ZNF462: variants seen among roughly 807,000 people sequenced by gnomAD.
ZNF462 encodes the protein zinc finger PBX1-interacting protein.
A neutral mutation model predicts 201.9 loss-of-function variants in ZNF462; 10 were observed. The observed-to-expected ratio is 0.05, with a 90% CI of 0.03 to 0.08. The LOEUF is 0.08. ZNF462 is among the 10% of genes least tolerant of loss of function. The pLI, the probability that ZNF462 is intolerant of heterozygous loss-of-function variation, is 1.00. For synonymous variants in ZNF462, 1,227 were observed against 1,193.3 expected (o/e 1.03, Z -0.58); for missense variants, 2,523 against 3,168.3 (o/e 0.80, Z 4.89).
chr9:106,888,117 C>T (rs1045069721), intron 1 of ZNF462, among the ~76,000 whole-genome samples: 3 of 151,728 alleles, frequency 2.0e-5, no homozygotes, highest in Non-Finnish European at 4.4e-5. Context: ...TCTCGGCTCA[C>T]TGCAAGCTCC....
chr9:106,928,374 CATT>C lies in ZNF462; in HGVS notation c.4465_4467del (p.Tyr1489del). The C allele has an allele frequency of 6.2e-7, 1 of 1,614,130 alleles. No individual in the cohort carries two copies. Among genetic ancestry groups the C allele is most frequent in the Non-Finnish European group, 8.5e-7 (1 of 1,180,032 alleles). On this transcript the variant is annotated inframe_deletion, in exon 3 of 13. Transcript: ENST00000277225. This position sits in a 1 kb window ranked among gnomAD's most constrained non-coding sequence, Gnocchi z 9.3. ...TAACAACTTGCACGGCCTTCTCACT[CATT>C]ATGGGAAGAAGCACCCTGGCATGAA...
rs1161912134 is a variant in ZNF462, at chr9:106,954,042, A to G, written c.6427+14935A>G. ...AATTACCATGTTTATCCCACCTGCAAAGTCCTCCATTCATTCTATTCTAAG... is the reference window on the plus strand; with the variant it reads ...AATTACCATGTTTATCCCACCTGCAGAGTCCTCCATTCATTCTATTCTAAG... On this transcript the variant is annotated intron_variant, in intron 7 of 12. Transcript: ENST00000277225. The surrounding 1 kb of genome is among the most constrained non-coding windows in gnomAD (Gnocchi z 4.0). 1.3e-5 allele frequency among the ~76,000 whole-genome samples: 2 copies of G among 152,094 alleles called. No individual in the cohort carries two copies. Among genetic ancestry groups the G allele is most frequent in the Admixed American group, 6.6e-5 (1 of 15,254 alleles).
At chr9:106,949,055 G>A (rs1257449649) in intron 7 of ZNF462, among the ~76,000 whole-genome samples, 1 of 152,118 alleles carries the variant, frequency 6.6e-6, no homozygotes, top group Non-Finnish European at 1.5e-5. Context: ...GTTCTTAAAA[G>A]ACAAAAATCA....
At chr9:106,873,224 T>C (rs766819977) in intron 1 of ZNF462, among the ~76,000 whole-genome samples, 10 of 152,216 alleles carry the variant, frequency 6.6e-5, no homozygotes, top group Non-Finnish European at 1.2e-4. Flanking sequence ...ATGAGAGATA[T>C]AACTTATTGC....
rs902598386 is a variant in ZNF462, at chr9:106,954,009, A to G, written c.6427+14902A>G. 6.6e-6 allele frequency among the ~76,000 whole-genome samples: 1 copy of G among 152,004 alleles called. No individual in the cohort carries two copies. The highest frequency in any genetic ancestry group is 2.4e-5 in the African/African-American group (1 of 41,378). On this transcript the variant is annotated intron_variant, in intron 7 of 12. Coordinates refer to ENST00000277225, the MANE Select transcript of ZNF462 (RefSeq NM_021224.6). The surrounding 1 kb of genome is among the most constrained non-coding windows in gnomAD (Gnocchi z 4.0). ...TCCTTCCCATCCTCATCTCTTACCT[A>G]AGCCATTAATTACCATGTTTATCCC...
At chr9:106,914,845 G>A (rs1424973941) in intron 1 of ZNF462, among the ~76,000 whole-genome samples, 3 of 152,188 alleles carry the variant, frequency 2.0e-5, no homozygotes, top group Non-Finnish European at 2.9e-5. Context: ...AGGGTTGGGA[G>A]TGGTGGCTAA....
At position 107,006,975 on chromosome 9, in the gene ZNF462, C is replaced by T. The variant is rs1829593372; in HGVS notation, c.7190-2570C>T. ...GCTTCTTTCTTTTTTCTTTTTCAAA[C>T]CATTTCATGAGTATGTTCTTTACAA... On this transcript the variant is annotated intron_variant, in intron 11 of 12. Coordinates refer to ENST00000277225, the MANE Select transcript of ZNF462 (RefSeq NM_021224.6). This position sits in a 1 kb window ranked among gnomAD's most constrained non-coding sequence, Gnocchi z 4.3. Among the ~76,000 whole-genome samples, 1 of 151,946 alleles carries T rather than the reference C, an allele frequency of 6.6e-6. No individual in the cohort carries two copies. Among genetic ancestry groups the T allele is most frequent in the Non-Finnish European group, 1.5e-5 (1 of 68,012 alleles).
At chr9:106,941,162 G>C (rs752234279) in intron 7 of ZNF462, among the ~76,000 whole-genome samples, 1 of 152,154 alleles carries the variant, frequency 6.6e-6, no homozygotes, top group Non-Finnish European at 1.5e-5. Flanking sequence ...ATCATCCTCT[G>C]CATAGACTGA....
At position 106,938,303 on chromosome 9, in the gene ZNF462, T is replaced by A. The variant is rs1830716393; in HGVS notation, c.6236-613T>A. ...TCTCTTCCTTAGAGAAATGACTTAT[T>A]TTTACCCATTTCTGTGCTATTGACT... On this transcript the variant is annotated intron_variant, in intron 6 of 12. Coordinates refer to ENST00000277225, the MANE Select transcript of ZNF462 (RefSeq NM_021224.6). This position sits in a 1 kb window ranked among gnomAD's most constrained non-coding sequence, Gnocchi z 4.4. Among the ~76,000 whole-genome samples the A allele has an allele frequency of 1.3e-5, 2 of 152,178 alleles. No individual in the cohort carries two copies. The highest frequency in any genetic ancestry group is 1.3e-4 in the Admixed American group (2 of 15,272).
intron 1 of ZNF462, among the ~76,000 whole-genome samples, chr9:106,897,846 A>T (rs936641453): frequency 3.9e-5 from 6 of 151,982 alleles, no homozygotes; most frequent in Admixed American, 6.5e-5. Context: ...TGATCCATGG[A>T]TTCGCCTCCA....
chr9:106,885,622 C>A lies in ZNF462; in HGVS notation c.-31+22267C>A, dbSNP rs1828283056. ...CAGCTGAACATGTGATCTTGTTAAC[C>A]CTGAGATGTTGCTGAAAAGTGACTC... On this transcript the variant is annotated intron_variant, in intron 1 of 12. Transcript: ENST00000277225. This position sits in a 1 kb window ranked among gnomAD's most constrained non-coding sequence, Gnocchi z 4.1. Among the ~76,000 whole-genome samples the A allele has an allele frequency of 6.6e-6, 1 of 152,146 alleles. No homozygotes were observed. Among genetic ancestry groups the A allele is most frequent in the Admixed American group, 6.5e-5 (1 of 15,278 alleles).
rs1355850211 is a variant in ZNF462, at chr9:106,929,135, C to G, written c.5223C>G (p.Asn1741Lys). Residue 1741 changes from asparagine (N) to lysine (K), a missense_variant, in exon 3 of 13, where the codon AAC becomes AAG. Asn to Lys is a moderately conservative substitution (Grantham distance 94, BLOSUM62 0). Coordinates refer to ENST00000277225, the MANE Select transcript of ZNF462 (RefSeq NM_021224.6). The surrounding 1 kb of genome is among the most constrained non-coding windows in gnomAD (Gnocchi z 8.7). ...CCAGGACCATCAGCGACAAGCCCAA[C>G]AAAGTGATCATCCCATCCCCGCCCA... ...AASRTISDKP[N>K]KVIIPSPPKD... The G allele has an allele frequency of 6.2e-7, 1 of 1,614,156 alleles. No homozygotes were observed. Among genetic ancestry groups the G allele is most frequent in the East Asian group, 2.2e-5 (1 of 44,872 alleles).
chr9:106,924,941 C>T lies in ZNF462; in HGVS notation c.1029C>T (p.Tyr343=). ...CTTCCAAGTTTTCGCCCATGTCTTACCCTCAGATGAAGCCGAAGTCACCTC... is the reference window on the plus strand; with the variant it reads ...CTTCCAAGTTTTCGCCCATGTCTTATCCTCAGATGAAGCCGAAGTCACCTC... ...SSASKFSPMS[Y]PQMKPKSPHN... The change falls in exon 3 of 13, where the codon TAC becomes TAT. Residue 343 remains tyrosine (Y), a synonymous_variant. Coordinates refer to ENST00000277225, the MANE Select transcript of ZNF462 (RefSeq NM_021224.6). The surrounding 1 kb of genome is among the most constrained non-coding windows in gnomAD (Gnocchi z 6.2). The T allele has an allele frequency of 6.2e-7, 1 of 1,614,188 alleles. No individual in the cohort carries two copies. The highest frequency in any genetic ancestry group is 8.5e-7 in the Non-Finnish European group (1 of 1,180,036).
At position 106,886,877 on chromosome 9, in the gene ZNF462, G is replaced by GA. The variant is rs1828342350; in HGVS notation, c.-31+23526dup. On this transcript the variant is annotated intron_variant, in intron 1 of 12. Coordinates refer to ENST00000277225, the MANE Select transcript of ZNF462 (RefSeq NM_021224.6). The surrounding 1 kb of genome is among the most constrained non-coding windows in gnomAD (Gnocchi z 4.6). ...TTCTGTGCCTTGTCTAGGCTTGTTG[G>GA]AAAAGAGTGTGGAGATCAAGCAGAG... is the stretch of plus-strand genomic sequence containing the variant. Among the ~76,000 whole-genome samples the GA allele has an allele frequency of 6.6e-6, 1 of 152,112 alleles. No homozygotes were observed. The highest frequency in any genetic ancestry group is 1.5e-5 in the Non-Finnish European group (1 of 68,038).
Position 106,927,668 on chromosome 9 carries a change from C to T in ZNF462, c.3756C>T (p.Pro1252=). The change falls in exon 3 of 13, where the codon CCC becomes CCT. Residue 1252 remains proline, a synonymous_variant. Coordinates refer to ENST00000277225, the MANE Select transcript of ZNF462 (RefSeq NM_021224.6). ...CTGCCAGCTGCGTGCTTGTCTCCCCCTCTAATCTGGAGCGGGACAAAACGA... is the reference window on the plus strand; with the variant it reads ...CTGCCAGCTGCGTGCTTGTCTCCCCTTCTAATCTGGAGCGGGACAAAACGA... ...KKPASCVLVS[P]SNLERDKTKL... The T allele has an allele frequency of 1.2e-6, 2 of 1,614,118 alleles. No homozygotes were observed. The highest frequency in any genetic ancestry group is 2.2e-5 in the South Asian group (2 of 91,068).
chr9:106,867,574 GAAA>G (rs11336568), intron 1 of ZNF462, among the ~76,000 whole-genome samples: 1 of 134,982 alleles, frequency 7.4e-6, no homozygotes, highest in Middle Eastern at 3.6e-3. Flanking sequence ...AACTTTTAGA[GAAA>G]AAAAAAAAAA....
chr9:106,966,466 T>C lies in ZNF462; in HGVS notation c.6428-5539T>C, dbSNP rs1194719025. 1.3e-5 allele frequency among the ~76,000 whole-genome samples: 2 copies of C among 152,138 alleles called. No homozygotes were observed. The highest frequency in any genetic ancestry group is 2.9e-5 in the Non-Finnish European group (2 of 67,994). ...AATTAATACTAGTTATATTTATTAA[T>C]GGACACTCATAGTTCTCTTGACATC... On this transcript the variant is annotated intron_variant, in intron 7 of 12. Transcript: ENST00000277225. This position sits in a 1 kb window ranked among gnomAD's most constrained non-coding sequence, Gnocchi z 4.4.
chr9:106,900,401 T>G (rs1335747721), intron 1 of ZNF462, among the ~76,000 whole-genome samples: 1 of 152,142 alleles, frequency 6.6e-6, no homozygotes, highest in Non-Finnish European at 1.5e-5. Context: ...AGATACCCAG[T>G]AGTGGGATTG....
At position 106,883,449 on chromosome 9, in the gene ZNF462, A is replaced by G. The variant is rs542974490; in HGVS notation, c.-31+20094A>G. ...TTTCTCCTCATGATCCTGTTTGGTAATTCTGATTTTAATCCTCACATTTTA... is the reference window on the plus strand; with the variant it reads ...TTTCTCCTCATGATCCTGTTTGGTAGTTCTGATTTTAATCCTCACATTTTA... On this transcript the variant is annotated intron_variant, in intron 1 of 12. Transcript: ENST00000277225. The surrounding 1 kb of genome is among the most constrained non-coding windows in gnomAD (Gnocchi z 4.9). Among the ~76,000 whole-genome samples, 1 of 152,316 alleles carries G rather than the reference A, an allele frequency of 6.6e-6. No homozygotes were observed. The highest frequency in any genetic ancestry group is 2.1e-4 in the South Asian group (1 of 4,826).
Sources: gnomAD v4.1 joint callset for allele counts (sites outside exome capture counted in the v4.1 genomes callset) on GRCh38, gnomAD v4.1.1 for gene constraint, Gnocchi (gnomAD v3.1) non-coding constraint, MANE v1.5 for transcripts, NCBI Gene and HGNC (gene_info 2026-07-23, HGNC 2026-07-21) for gene names.